The following SLCO1A2 variants were observed in gnomAD, a reference collection of about 807,000 sequenced individuals.
SLCO1A2 encodes the protein OATP-1.
A neutral mutation model predicts 69.0 loss-of-function variants in SLCO1A2; 67 were observed. The observed-to-expected ratio is 0.97, with a 90% CI of 0.80 to 1.19. The LOEUF (loss-of-function observed/expected upper bound fraction) is 1.19, where lower values mean the gene tolerates loss of function less well. Ranked by LOEUF, SLCO1A2 falls within the 50% of genes most tolerant of loss-of-function variation. SLCO1A2 has a pLI of 0.00. For missense variants in SLCO1A2, 787 were observed against 793.7 expected, an observed-to-expected ratio of 0.99 and a Z score of 0.10; for synonymous variants, 260 against 265.9, an observed-to-expected ratio of 0.98 and a Z score of 0.22.
upstream of SLCO1A2, among the ~76,000 whole-genome samples, chr12:21,418,692 C>T (rs559577910): frequency 6.6e-6 from 1 of 152,080 alleles, no homozygotes; most frequent in Non-Finnish European, 1.5e-5. Flanking sequence ...GTCCCTCCAA[C>T]AACGTGTGGG....
upstream of SLCO1A2, among the ~76,000 whole-genome samples, chr12:21,397,667 A>C (rs1160027380): frequency 6.6e-6 from 1 of 150,936 alleles, no homozygotes; most frequent in Non-Finnish European, 1.5e-5. Flanking sequence ...AATTATAACA[A>C]ACTATCTCTC....
rs3736080 is a variant in SLCO1A2, at chr12:21,274,674, G to C, written c.1676-88C>G. 345 of 939,388 alleles carry C rather than the reference G, an allele frequency of 3.7e-4. 1 individual carries two copies. The African/African-American group carries it at 4.8e-3, about 13-fold the overall frequency. 58.2% of individuals were successfully genotyped at this position (939,388 alleles called of 1,614,324 possible). A position where few individuals can be genotyped will look rare whatever the true frequency, so the allele number is the denominator to read the frequency against. On this transcript the variant is annotated intron_variant, in intron 13 of 14. Transcript: ENST00000683939. ...ATATTTCAATTTTCTTTATTTGTACGGCAAAGTTTATCAAAACATAAATCT... is the reference window on the plus strand; with the variant it reads ...ATATTTCAATTTTCTTTATTTGTACCGCAAAGTTTATCAAAACATAAATCT...
rs560249116 is a variant in SLCO1A2, at chr12:21,318,512, C to T, written c.202+270G>A. ...TATTTAAATATAAATACTGTAAATA[C>T]TCTGCTACTCATGCTACATAACTAA... On this transcript the variant is annotated intron_variant, in intron 3 of 14. Coordinates refer to ENST00000683939, the MANE Select transcript of SLCO1A2 (RefSeq NM_001386879.1). Among the ~76,000 whole-genome samples, 404 of 152,216 alleles carry T rather than the reference C, an allele frequency of 2.7e-3. 5 individuals carry two copies. Among genetic ancestry groups the T allele is most frequent in the African/African-American group, 9.3e-3 (388 of 41,538 alleles).
chr12:21,350,390 A>G (rs1421117338), intron 2 of SLCO1A2, among the ~76,000 whole-genome samples: 2 of 152,100 alleles, frequency 1.3e-5, no homozygotes, highest in African/African-American at 4.8e-5. Context: ...TACAAATACA[A>G]TAAGAATAAA....
intron 12 of SLCO1A2, among the ~76,000 whole-genome samples, chr12:21,282,053 A>G (rs1733262665): frequency 6.6e-6 from 1 of 151,998 alleles, no homozygotes; most frequent in Non-Finnish European, 1.5e-5. Flanking sequence ...AGAGGAGAGA[A>G]GCCTTCCAAA....
At chr12:21,416,965 T>C (rs1941999021) in intron 1 of SLCO1A2, among the ~76,000 whole-genome samples, 1 of 152,142 alleles carries the variant, frequency 6.6e-6, no homozygotes, top group African/African-American at 2.4e-5. Flanking sequence ...TTGTTGAATG[T>C]ATTAAGCTGG....
At chr12:21,405,131 T>C (rs1232407612) in intron 1 of SLCO1A2, among the ~76,000 whole-genome samples, 2 of 152,014 alleles carry the variant, frequency 1.3e-5, no homozygotes, top group Non-Finnish European at 1.5e-5. Context: ...ATTAGACCTT[T>C]GTAAGATGCA....
At chr12:21,333,501 C>A (rs1180814297) in intron 2 of SLCO1A2, among the ~76,000 whole-genome samples, 1 of 152,050 alleles carries the variant, frequency 6.6e-6, no homozygotes, top group Non-Finnish European at 1.5e-5. Context: ...TTCAGAGAAA[C>A]AGAGAAACCT....
chr12:21,373,201 T>C, intron 2 of SLCO1A2: 1 of 671,156 alleles, frequency 1.5e-6, no homozygotes, highest in Non-Finnish European at 2.7e-6. Context: ...TAAGGGACTG[T>C]ATCAATAAAA....
chr12:21,397,631 C>G (rs1941522713), upstream of SLCO1A2, among the ~76,000 whole-genome samples: 1 of 151,906 alleles, frequency 6.6e-6, no homozygotes, highest in African/African-American at 2.4e-5. Flanking sequence ...AAGTAAAGCT[C>G]TCCTCAGCAA....
At chr12:21,320,895 A>G (rs11833771) in intron 2 of SLCO1A2, among the ~76,000 whole-genome samples, 8,556 of 152,256 alleles carry the variant, frequency 0.056, 769 homozygotes, top group African/African-American at 0.19. Flanking sequence ...AGAAAAAAAC[A>G]AAATGAAACA....
At chr12:21,415,956 T>C (rs867604279) in intron 1 of SLCO1A2, among the ~76,000 whole-genome samples, 7 of 152,242 alleles carry the variant, frequency 4.6e-5, no homozygotes, top group Non-Finnish European at 1.0e-4. Context: ...AATACCTCAT[T>C]CTCAAGCTTC....
intron 4 of SLCO1A2, among the ~76,000 whole-genome samples, chr12:21,311,199 T>G (rs1360378030): frequency 6.6e-6 from 1 of 152,214 alleles, no homozygotes; most frequent in Non-Finnish European, 1.5e-5. Flanking sequence ...TCTCTTTCTC[T>G]TTCCACATCT....
At position 21,297,462 on chromosome 12, in the gene SLCO1A2, C is replaced by T. The variant is rs1208603819; in HGVS notation, c.1017G>A (p.Met339Ile). 3.1e-6 allele frequency: 5 copies of T among 1,612,540 alleles called. No individual in the cohort carries two copies. Among genetic ancestry groups the T allele is most frequent in the Non-Finnish European group, 4.2e-6 (5 of 1,179,000 alleles). Residue 339 changes from methionine (M) to isoleucine (I), a missense_variant, in exon 9 of 15, where the codon ATG (methionine) becomes ATA (isoleucine). Coordinates refer to ENST00000683939, the MANE Select transcript of SLCO1A2 (RefSeq NM_001386879.1). ...FNAFVNMISF[M>I]PKYLEQQYGI... ...CATATTGCTGTTCTAGGTATTTAGGCATGAAGGAGATCATGTTAACGAATG... is the reference window on the plus strand; with the variant it reads ...CATATTGCTGTTCTAGGTATTTAGGTATGAAGGAGATCATGTTAACGAATG...
At chr12:21,415,640 G>A (rs917708023) in intron 1 of SLCO1A2, among the ~76,000 whole-genome samples, 7 of 151,974 alleles carry the variant, frequency 4.6e-5, no homozygotes, top group Non-Finnish European at 8.8e-5. Flanking sequence ...TGAGGAACCT[G>A]AGATTGATAT....
intron 1 of SLCO1A2, among the ~76,000 whole-genome samples, chr12:21,384,503 GTA>G (rs1176834868): frequency 1.3e-5 from 2 of 152,080 alleles, no homozygotes; most frequent in African/African-American, 4.8e-5. Flanking sequence ...GTTATCATCA[GTA>G]GGAAGTGGCA....
At chr12:21,415,183 TTTTG>T (rs1941970159) in intron 1 of SLCO1A2, among the ~76,000 whole-genome samples, 2 of 152,156 alleles carry the variant, frequency 1.3e-5, no homozygotes, top group Admixed American at 1.3e-4. Flanking sequence ...TTGTCCCACT[TTTTG>T]TTTTATATTC....
Position 21,269,677 on chromosome 12 carries a change from T to C in SLCO1A2, c.1884A>G (p.Leu628=). The change falls in exon 15 of 15, where the codon CTA becomes CTG. Residue 628 remains leucine, a synonymous_variant. Transcript: ENST00000683939. ...IILILLRKCH[L]PGENASSGTE... Reference sequence around the variant, plus strand: ...TTCCTGAAGAGGCATTTTCACCAGGTAGATGACACTTCCTCAAAAGAATTA... The same window carrying C: ...TTCCTGAAGAGGCATTTTCACCAGGCAGATGACACTTCCTCAAAAGAATTA... The C allele has an allele frequency of 6.2e-7, 1 of 1,612,794 alleles. No homozygotes were observed. Among genetic ancestry groups the C allele is most frequent in the Non-Finnish European group, 8.5e-7 (1 of 1,179,128 alleles).
At chr12:21,396,573 G>T (rs1319764804), upstream of SLCO1A2, among the ~76,000 whole-genome samples, 1 of 151,676 alleles carries the variant, frequency 6.6e-6, no homozygotes, top group Non-Finnish European at 1.5e-5. Context: ...ATAATTGTCA[G>T]ATTCACCAAA....
Sources: gnomAD v4.1 joint callset for allele counts (sites outside exome capture counted in the v4.1 genomes callset) on GRCh38, gnomAD v4.1.1 for gene constraint, MANE v1.5 for transcripts, NCBI Gene and HGNC (gene_info 2026-07-23, HGNC 2026-07-21) for gene names.